The following ROPN1B variants were observed in gnomAD, a reference collection of about 807,000 sequenced individuals.
ROPN1B encodes the protein ropporin-1B.
Under a neutral mutation model 23.7 loss-of-function variants are expected in ROPN1B, and 13 were observed. The ratio of observed to expected loss-of-function variants is 0.55; its 90% CI spans 0.36 to 0.87. The LOEUF is 0.87. Ranked by LOEUF, ROPN1B falls within the 40% of genes least tolerant of loss-of-function variation. The probability of loss-of-function intolerance (pLI) is 0.01; values close to 1 mark genes in which losing one functional copy is unlikely to be tolerated. For synonymous variants in ROPN1B, 67 were observed against 100.4 expected (o/e 0.67, Z 1.99); for missense variants, 183 against 249.2 (o/e 0.73, Z 1.79).
Position 125,972,186 on chromosome 3 carries a change from T to C in ROPN1B, c.116+16T>C. ...GGGGGGCCGAGTACGTGCTCCTTTCTCGCCTTCATCTCTTGGAGGACGGGC... is the reference window on the plus strand; with the variant it reads ...GGGGGGCCGAGTACGTGCTCCTTTCCCGCCTTCATCTCTTGGAGGACGGGC... On this transcript the variant is annotated intron_variant, in intron 3 of 6. Transcript: ENST00000514116. 6.2e-7 allele frequency: 1 copy of C among 1,613,444 alleles called. No individual in the cohort carries two copies. Among genetic ancestry groups the C allele is most frequent in the Non-Finnish European group, 8.5e-7 (1 of 1,179,374 alleles).
intron 3 of ROPN1B, among the ~76,000 whole-genome samples, chr3:125,975,272 A>C (rs1159333520): frequency 6.6e-6 from 1 of 152,154 alleles, no homozygotes; most frequent in South Asian, 2.1e-4. Flanking sequence ...AAAACCCTGA[A>C]CCCAATATGC....
chr3:125,969,821 C>A (rs1374258794), intron 1 of ROPN1B, among the ~76,000 whole-genome samples: 2 of 152,294 alleles, frequency 1.3e-5, no homozygotes, highest in East Asian at 3.8e-4. Flanking sequence ...TTATTTTATA[C>A]CTAGCACTTC....
rs186050649 is a variant in ROPN1B at position 125,974,365 on chromosome 3, C to G, written c.117-1198C>G. ...CTCCAAGTGGTGACCGGCAGTTACT[C>G]CTTTAGTCCATGTAGCTTTCACTCT... On this transcript the variant is annotated intron_variant, in intron 3 of 6. Transcript: ENST00000514116. Among the ~76,000 whole-genome samples the G allele has an allele frequency of 2.4e-3, 366 of 152,068 alleles. 4 individuals are homozygous for G. Among genetic ancestry groups the G allele is most frequent in the Admixed American group, 3.9e-3 (60 of 15,284 alleles).
At chr3:125,977,545 T>C (rs962326940) in intron 5 of ROPN1B, 4 of 312,090 alleles carry the variant, frequency 1.3e-5, no homozygotes, top group Non-Finnish European at 2.5e-5. Context: ...AGACACTGTT[T>C]AAAAGGGGTA....
rs1426982661 is a variant in ROPN1B at position 125,972,062 on chromosome 3, A to G, written c.8A>G (p.Gln3Arg). Residue 3 changes from glutamine to arginine, a missense_variant, in exon 3 of 7, where the codon CAG (glutamine) becomes CGG (arginine). By Grantham distance (43) the Gln-to-Arg change is conservative. Around this residue, in one of 3 missense-constraint regions of ROPN1B, gnomAD observed 97 missense variants for 99.6 expected, o/e 0.97. Coordinates refer to ENST00000514116, the MANE Select transcript of ROPN1B (RefSeq NM_001308313.2). The part of the protein sequence containing the change: MA[Q>R]TDKPTCIPPE... ...GAATAGGTCAACCAATCAATGGCTC[A>G]GACAGATAAGCCAACATGCATCCCG... 2 of 1,614,198 alleles carry G rather than the reference A, an allele frequency of 1.2e-6. No individual in the cohort carries two copies. The highest frequency in any genetic ancestry group is 1.7e-5 in the Admixed American group (1 of 60,026).
At chr3:125,981,516 C>T (rs1046143172) in intron 5 of ROPN1B, among the ~76,000 whole-genome samples, 8 of 152,194 alleles carry the variant, frequency 5.3e-5, no homozygotes, top group African/African-American at 1.9e-4. Context: ...CATTTCACAA[C>T]TCTTTTGCTT....
chr3:125,982,332 G>GC lies in ROPN1B; in HGVS notation c.463dup (p.Arg155ProfsTer34). ...TATCATGTGACCACAATGGTGGGTT[G>GC]CCCCGAATCCCATTCAGCACCTTCC... On this transcript the variant is annotated frameshift_variant, in exon 6 of 7. Coordinates refer to ENST00000514116, the MANE Select transcript of ROPN1B (RefSeq NM_001308313.2). LOFTEE classifies it high-confidence loss of function. 1 of 1,613,360 alleles carries GC rather than the reference G, an allele frequency of 6.2e-7. No individual in the cohort carries two copies. Among genetic ancestry groups the GC allele is most frequent in the East Asian group, 2.2e-5 (1 of 44,836 alleles).
At chr3:125,981,662 C>G (rs768888349) in intron 5 of ROPN1B, among the ~76,000 whole-genome samples, 8 of 152,176 alleles carry the variant, frequency 5.3e-5, no homozygotes, top group Admixed American at 6.5e-5. Flanking sequence ...GGCACTCATT[C>G]TCAACCAATA....
rs756120052 is a variant in ROPN1B, at chr3:125,972,087, G to T, written c.33G>T (p.Pro11=). 2.5e-6 allele frequency: 4 copies of T among 1,614,158 alleles called. No individual in the cohort carries two copies. The South Asian group carries it at 3.3e-5, about 13-fold the overall frequency. ...AGACAGATAAGCCAACATGCATCCCGCCGGAGCTGCCGAAAATGCTGAAGG... is the reference window on the plus strand; with the variant it reads ...AGACAGATAAGCCAACATGCATCCCTCCGGAGCTGCCGAAAATGCTGAAGG... MAQTDKPTCI[P]PELPKMLKEF... is the part of the protein sequence containing the mutation. The change falls in exon 3 of 7, where the codon CCG becomes CCT. Residue 11 remains proline, a synonymous_variant. Coordinates refer to ENST00000514116, the MANE Select transcript of ROPN1B (RefSeq NM_001308313.2).
In ROPN1B at chr3:125,983,234, A is replaced by G; in HGVS notation, c.573-20A>G. 1 of 1,563,318 alleles carries G rather than the reference A, an allele frequency of 6.4e-7. No homozygotes were observed. The highest frequency in any genetic ancestry group is 8.8e-7 in the Non-Finnish European group (1 of 1,134,464). On this transcript the variant is annotated intron_variant, in intron 6 of 6. Coordinates refer to ENST00000514116, the MANE Select transcript of ROPN1B (RefSeq NM_001308313.2). Reference sequence around the variant, plus strand: ...TTAACTGTCAATGAACTAACTGCAGATATACCTTTATCCAAACAGAATTGG... The same window carrying G: ...TTAACTGTCAATGAACTAACTGCAGGTATACCTTTATCCAAACAGAATTGG...
intron 4 of ROPN1B, among the ~76,000 whole-genome samples, chr3:125,976,477 T>C (rs1325160760): frequency 6.6e-6 from 1 of 152,186 alleles, no homozygotes; most frequent in Non-Finnish European, 1.5e-5. Flanking sequence ...CAAGTAACAT[T>C]AGGCAGCCAG....
At chr3:125,977,773 A>C (rs899533064) in intron 5 of ROPN1B, 1 of 156,116 alleles carries the variant, frequency 6.4e-6, no homozygotes, top group Non-Finnish European at 1.4e-5. Context: ...AAATCAGTTT[A>C]TATGTATAGA....
At chr3:125,974,195 CAAGTCTGG>C (rs1165891319) in intron 3 of ROPN1B, among the ~76,000 whole-genome samples, 14 of 152,282 alleles carry the variant, frequency 9.2e-5, no homozygotes, top group Middle Eastern at 3.4e-3. Context: ...TTATACCACC[CAAGTCTGG>C]AAGTCTGGTT....
In ROPN1B at chr3:125,976,390, A is replaced by C. The variant is rs148300778; in HGVS notation, c.235-614A>C. On this transcript the variant is annotated intron_variant, in intron 4 of 6. Coordinates refer to ENST00000514116, the MANE Select transcript of ROPN1B (RefSeq NM_001308313.2). The stretch of plus-strand genomic sequence containing the variant: ...TGCTCTTGTTGCATTGGTGGCCAAC[A>C]ACCAGTCATCTTCTCTCCTTTTGTC... 2.0e-3 allele frequency among the ~76,000 whole-genome samples: 312 copies of C among 152,336 alleles called. 1 individual carries two copies. Among genetic ancestry groups the C allele is most frequent in the African/African-American group, 7.3e-3 (303 of 41,570 alleles).
At chr3:125,970,927 A>G (rs1938176641) in intron 1 of ROPN1B, among the ~76,000 whole-genome samples, 190 bp from the exon 2 acceptor site, 1 of 152,194 alleles carries the variant, frequency 6.6e-6, no homozygotes, top group Non-Finnish European at 1.5e-5. Context: ...TCTCCTGACT[A>G]GAAGCAGCAA....
intron 5 of ROPN1B, among the ~76,000 whole-genome samples, chr3:125,981,563 T>C (rs1938612734): frequency 1.3e-5 from 2 of 152,200 alleles, no homozygotes; most frequent in South Asian, 2.1e-4. Context: ...TTTAAAGACA[T>C]GAGATGAGTT....
intron 5 of ROPN1B, among the ~76,000 whole-genome samples, chr3:125,979,887 A>G (rs1421447382): frequency 6.6e-6 from 1 of 152,254 alleles, no homozygotes; most frequent in Non-Finnish European, 1.5e-5. Context: ...CACATTATTC[A>G]GAATGCGATG....
At chr3:125,976,444 C>T (rs1371792038) in intron 4 of ROPN1B, among the ~76,000 whole-genome samples, 1 of 152,222 alleles carries the variant, frequency 6.6e-6, no homozygotes, top group Non-Finnish European at 1.5e-5. Context: ...GTGAACATGA[C>T]AGAGCTCTAA....
chr3:125,983,435 C>A lies in ROPN1B; in HGVS notation c.*115C>A. 2.8e-6 allele frequency: 2 copies of A among 725,100 alleles called. No homozygotes were observed. Among genetic ancestry groups the A allele is most frequent in the South Asian group, 3.3e-5 (2 of 61,516 alleles). 44.9% of individuals were successfully genotyped at this position (725,100 alleles called of 1,614,324 possible). On this transcript the variant is annotated 3_prime_UTR_variant, in exon 7 of 7. Coordinates refer to ENST00000514116, the MANE Select transcript of ROPN1B (RefSeq NM_001308313.2). ...TGTACAACTGGTACACACTAATAAA[C>A]AAACATGTGAGATCAGAAATGTGCG...
Sources: allele counts gnomAD v4.1 joint callset (sites outside exome capture counted in the v4.1 genomes callset), GRCh38; gene constraint gnomAD v4.1.1; regional missense constraint gnomAD v4.1.1; transcripts MANE v1.5; gene names NCBI Gene and HGNC (gene_info 2026-07-23, HGNC 2026-07-21).